The following ARSD variants were observed in gnomAD, a reference collection of about 807,000 sequenced individuals.
The protein encoded by ARSD is arylsulfatase D.
Under a neutral mutation model 32.6 loss-of-function variants are expected in ARSD, and 21 were observed. The observed-to-expected ratio is 0.64, with a 90% CI of 0.46 to 0.93. The LOEUF (loss-of-function observed/expected upper bound fraction) is 0.93. Among genes scored for constraint, ARSD ranks in the 40% least tolerant of loss-of-function variants. The pLI, the probability that ARSD is intolerant of heterozygous loss-of-function variation, is 0.00. For synonymous variants in ARSD, 224 were observed against 237.4 expected, an observed-to-expected ratio of 0.94 and a Z score of 0.52; for missense variants, 454 against 520.9, an observed-to-expected ratio of 0.87 and a Z score of 1.25.
chrX:2,915,506 T>C lies in ARSD; in HGVS notation c.1000+50A>G, dbSNP rs750014868. The C allele has an allele frequency of 5.0e-6, 6 of 1,205,597 alleles. No individual in the cohort carries two copies. The South Asian group carries it at 1.1e-4, about 21-fold the overall frequency. On this transcript the variant is annotated intron_variant, in intron 6 of 9. Transcript: ENST00000381154. ...ATGGCCAGTCTGTTACGCCCTATGT[T>C]CAAACCTGAGGCCGAGGGTGGAGTG...
rs772730683 is a variant in ARSD, at chrX:2,915,778, A to G, written c.864-86T>C. ...GCACCCATACGTTCACTCCAGCACTATTCACAAGAGCCAAGGCAGGGGATC... is the reference window on the plus strand; with the variant it reads ...GCACCCATACGTTCACTCCAGCACTGTTCACAAGAGCCAAGGCAGGGGATC... On this transcript the variant is annotated intron_variant, in intron 5 of 9. Coordinates refer to ENST00000381154, the MANE Select transcript of ARSD (RefSeq NM_001669.4). 559 of 943,581 alleles carry G rather than the reference A, an allele frequency of 5.9e-4. 3 individuals are homozygous for G. In the South Asian group the frequency reaches 6.0e-3, roughly 10 times the overall value. 77.8% of individuals were successfully genotyped at this position (943,581 alleles called of 1,213,427 possible). A position where few individuals can be genotyped will look rare whatever the true frequency, so the allele number is the denominator to read the frequency against.
rs1569086162 is a variant in ARSD, at chrX:2,910,361, GTAA to G, written c.1135+295_1135+297del. Among the ~76,000 whole-genome samples, 3 of 109,679 alleles carry G rather than the reference GTAA, an allele frequency of 2.7e-5. No homozygotes were observed. The Admixed American group carries it at 2.9e-4, about 11-fold the overall frequency. ...TTGATGCATTTAAAATATTAAAATAGTAATAAATTTATTAAATATTTAAAAATT... is the reference window on the plus strand; with the variant it reads ...TTGATGCATTTAAAATATTAAAATAGTAAATTTATTAAATATTTAAAAATT... On this transcript the variant is annotated intron_variant, in intron 7 of 9. Coordinates refer to ENST00000381154, the MANE Select transcript of ARSD (RefSeq NM_001669.4).
At chrX:2,912,116 G>A in intron 6 of ARSD, among the ~76,000 whole-genome samples, 1 of 112,044 alleles carries the variant, frequency 8.9e-6, no homozygotes. Flanking sequence ...TCCAGCCTGG[G>A]CAACAGAGTG....
In ARSD at chrX:2,904,817, G is replaced by A; in HGVS notation, c.*2454C>T. 5.0e-6 allele frequency: 1 copy of A among 200,271 alleles called. No homozygotes were observed. Among genetic ancestry groups the A allele is most frequent in the South Asian group, 6.3e-5 (1 of 15,766 alleles). 16.5% of individuals were successfully genotyped at this position (200,271 alleles called of 1,213,427 possible). A position where few individuals can be genotyped will look rare whatever the true frequency, so the allele number is the denominator to read the frequency against. ...TTGAATGGTTGAGCGTGAAAGACTTGTTATAATGGGCTTGTTGAATACGGT... is the reference window on the plus strand; with the variant it reads ...TTGAATGGTTGAGCGTGAAAGACTTATTATAATGGGCTTGTTGAATACGGT... On this transcript the variant is annotated 3_prime_UTR_variant, in exon 10 of 10. Transcript: ENST00000381154.
At chrX:2,910,387 A>G (rs931969519) in intron 7 of ARSD, among the ~76,000 whole-genome samples, 88 of 111,175 alleles carry the variant, frequency 7.9e-4, no homozygotes, top group African/African-American at 2.6e-3. Flanking sequence ...ATATTTAAAA[A>G]TTAAGACTAT....
At chrX:2,909,763 A>C (rs930469778) in intron 8 of ARSD, 54 bp downstream of exon 8, 230 of 1,117,476 alleles carry the variant, frequency 2.1e-4, no homozygotes, top group Middle Eastern at 2.5e-4. Context: ...TAAAAAAAAA[A>C]AACTAAAAAC....
chrX:2,917,766 C>T (rs376689695), intron 5 of ARSD, 38 bp downstream of exon 5: 14 of 1,164,164 alleles, frequency 1.2e-5, no homozygotes, highest in South Asian at 3.9e-5. Flanking sequence ...CCATCGCGTC[C>T]GGCCCCATCT....
intron 9 of ARSD, among the ~76,000 whole-genome samples, 189 bp downstream of exon 9, chrX:2,908,532 T>TCC (rs1311025268): frequency 8.5e-5 from 7 of 82,258 alleles, no homozygotes; most frequent in East Asian, 1.1e-3. Flanking sequence ...TCTCTCTCTC[T>TCC]CTCCCCCCCC....
chrX:2,920,374 T>G (rs1353780734), intron 4 of ARSD: 3 of 376,441 alleles, frequency 8.0e-6, no homozygotes, highest in Non-Finnish European at 1.4e-5. Flanking sequence ...ATCTTTTTTT[T>G]TTTTTTTATT....
chrX:2,917,804 C>T lies in ARSD; in HGVS notation c.863G>A (p.Arg288Lys), dbSNP rs751653458. ...TCTTTAAGATGCGATGGTTGCTTACCTTTCAATATAGGAAACAGCTTCCTT... is the reference window on the plus strand; with the variant it reads ...TCTTTAAGATGCGATGGTTGCTTACTTTTCAATATAGGAAACAGCTTCCTT... ...MLKEAVSYIE[R>K]HKHGPFLLFL... The change falls in exon 5 of 10, where the codon AGA (arginine) becomes AAA (lysine). Residue 288 changes from arginine (R) to lysine (K), a missense_variant and splice_region_variant. By Grantham distance (26) the Arg-to-Lys change is conservative. Transcript: ENST00000381154. The T allele has an allele frequency of 4.8e-5, 58 of 1,202,502 alleles. No homozygotes were observed. Among genetic ancestry groups the T allele is most frequent in the Non-Finnish European group, 6.4e-5 (57 of 890,220 alleles).
chrX:2,905,334 T>G lies in ARSD; in HGVS notation c.*1937A>C. 1 of 212,619 alleles carries G rather than the reference T, an allele frequency of 4.7e-6. No individual in the cohort carries two copies. Among genetic ancestry groups the G allele is most frequent in the South Asian group, 6.0e-5 (1 of 16,747 alleles). The allele number at this position is 212,619 out of a possible 1,213,427, so 17.5% of individuals were successfully genotyped here. A position where few individuals can be genotyped will look rare whatever the true frequency, so the allele number is the denominator to read the frequency against. On this transcript the variant is annotated 3_prime_UTR_variant, in exon 10 of 10. Coordinates refer to ENST00000381154, the MANE Select transcript of ARSD (RefSeq NM_001669.4). The stretch of plus-strand genomic sequence containing the variant: ...TCCCAGTATGCTTCCTGCAAAGACC[T>G]CGATAGATGGACTGAGGGGAATAGT...
At chrX:2,909,080 G>GCA (rs60574020) in intron 8 of ARSD, among the ~76,000 whole-genome samples, 3,184 of 105,876 alleles carry the variant, frequency 0.03, 123 homozygotes, top group African/African-American at 0.095. Flanking sequence ...TAAGCAGAGT[G>GCA]CACACACACA....
chrX:2,912,347 G>A (rs1188908983), intron 6 of ARSD, among the ~76,000 whole-genome samples: 1 of 110,931 alleles, frequency 9.0e-6, no homozygotes, highest in Non-Finnish European at 1.9e-5. Flanking sequence ...CTGTGAATCC[G>A]CCTTTGACCT....
chrX:2,909,718 C>T, intron 8 of ARSD, 99 bp downstream of exon 8: 1 of 702,539 alleles, frequency 1.4e-6, no homozygotes, highest in Non-Finnish European at 1.9e-6. Flanking sequence ...ATTTATGTAA[C>T]CAAATACCAC....
In ARSD at chrX:2,908,079, T is replaced by C. The variant is rs745678616; in HGVS notation, c.1421-447A>G. 1.2e-5 allele frequency: 5 copies of C among 434,024 alleles called. No individual in the cohort carries two copies. The South Asian group carries it at 6.1e-4, about 53-fold the overall frequency. The allele number at this position is 434,024 out of a possible 1,213,427, so 35.8% of individuals were successfully genotyped here. ...ATCTATTTATCTATCAATCCATCCA[T>C]TTATCTTACCCATCGATCTCATCTA... On this transcript the variant is annotated intron_variant, in intron 9 of 9. Transcript: ENST00000381154.
chrX:2,904,998 T>C lies in ARSD; in HGVS notation c.*2273A>G, dbSNP rs1276957601. The C allele has an allele frequency of 1.8e-5, 6 of 340,358 alleles. No homozygotes were observed. The highest frequency in any genetic ancestry group is 1.3e-4 in the Admixed American group (4 of 31,987). The allele number at this position is 340,358 out of a possible 1,213,427, so 28.0% of individuals were successfully genotyped here. ...TCCAGCCCTAGAAACCTGAGCTCTATAAATGTTGCCTCTCTCCACTCATCT... is the reference window on the plus strand; with the variant it reads ...TCCAGCCCTAGAAACCTGAGCTCTACAAATGTTGCCTCTCTCCACTCATCT... On this transcript the variant is annotated 3_prime_UTR_variant, in exon 10 of 10. Coordinates refer to ENST00000381154, the MANE Select transcript of ARSD (RefSeq NM_001669.4).
intron 6 of ARSD, chrX:2,913,919 G>C (rs1484234724): frequency 3.4e-6 from 1 of 291,085 alleles, no homozygotes; most frequent in Non-Finnish European, 4.9e-6. Context: ...TTGTTTAAAA[G>C]TGTGCGGCTC....
chrX:2,928,693 G>C (rs2089116287), intron 1 of ARSD, among the ~76,000 whole-genome samples: 1 of 97,924 alleles, frequency 1.0e-5, no homozygotes, highest in Non-Finnish European at 2.1e-5. Context: ...GGGCGGGACG[G>C]GGTGCCTCTT....
intron 2 of ARSD, among the ~76,000 whole-genome samples, chrX:2,924,615 T>C (rs1199113183): frequency 1.8e-5 from 2 of 113,067 alleles, no homozygotes; most frequent in Non-Finnish European, 3.7e-5. Context: ...GTGGGCTGAA[T>C]GGGGGTCTGC....
Sources: gnomAD v4.1 joint callset for allele counts (sites outside exome capture counted in the v4.1 genomes callset) on GRCh38, gnomAD v4.1.1 for gene constraint, MANE v1.5 for transcripts, NCBI Gene and HGNC (gene_info 2026-07-23, HGNC 2026-07-21) for gene names.